MALRD1: variants seen among roughly 807,000 people sequenced by gnomAD.
The protein encoded by MALRD1 is MAM and LDL-receptor class A domain-containing protein 1.
A neutral mutation model predicts 242.1 loss-of-function variants in MALRD1; 247 were observed. The ratio of observed to expected loss-of-function variants is 1.02; its 90% CI spans 0.92 to 1.13. MALRD1 has a LOEUF of 1.13. Among genes scored for constraint, MALRD1 ranks in the 50% most tolerant of loss-of-function variants. The probability of loss-of-function intolerance (pLI) is 0.00; values close to 1 mark genes in which losing one functional copy is unlikely to be tolerated. For missense variants in MALRD1, 2,989 were observed against 2,533.1 expected, an observed-to-expected ratio of 1.18 and a Z score of -3.86; for synonymous variants, 995 against 866.6, an observed-to-expected ratio of 1.15 and a Z score of -2.60.
intron 24 of MALRD1, among the ~76,000 whole-genome samples, chr10:19,338,107 A>G (rs1843690252): frequency 6.6e-6 from 1 of 151,846 alleles, no homozygotes; most frequent in Admixed American, 6.6e-5. Context: ...TTCTTTCCAT[A>G]TACCCATAGC....
intron 29 of MALRD1, among the ~76,000 whole-genome samples, chr10:19,482,846 A>G (rs1337928094): frequency 1.3e-5 from 2 of 152,126 alleles, no homozygotes; most frequent in African/African-American, 2.4e-5. Flanking sequence ...AAGAATCAGT[A>G]TCATTAAAAT....
At chr10:19,167,654 A>T (rs1364056851) in intron 13 of MALRD1, among the ~76,000 whole-genome samples, 2 of 152,164 alleles carry the variant, frequency 1.3e-5, no homozygotes, top group Non-Finnish European at 2.9e-5. Flanking sequence ...ACTCTAGGCG[A>T]AGTCTCTTAC....
chr10:19,729,885 C>T (rs953555145), intron 38 of MALRD1, among the ~76,000 whole-genome samples: 9 of 151,080 alleles, frequency 6.0e-5, no homozygotes, highest in Admixed American at 2.0e-4. Context: ...TACAGGCGCC[C>T]GCCACCACGC....
At chr10:19,120,336 G>T (rs1837017963) in intron 5 of MALRD1, among the ~76,000 whole-genome samples, 1 of 152,094 alleles carries the variant, frequency 6.6e-6, no homozygotes, top group Non-Finnish European at 1.5e-5. Flanking sequence ...CAATATTACT[G>T]ATATGTCAAA....
At chr10:19,509,232 C>T (rs1442210023) in intron 31 of MALRD1, among the ~76,000 whole-genome samples, 2 of 152,128 alleles carry the variant, frequency 1.3e-5, no homozygotes, top group Non-Finnish European at 2.9e-5. Flanking sequence ...AAAAGTGGTT[C>T]AGAGAGCTCC....
intron 2 of MALRD1, among the ~76,000 whole-genome samples, chr10:19,075,613 A>AGGGCTGTGTGGAATTGAATTCTTC (rs1835293510): frequency 6.6e-6 from 1 of 152,070 alleles, no homozygotes; most frequent in Non-Finnish European, 1.5e-5. Flanking sequence ...TTGAATTCTT[A>AGGGCTGTGTGGAATTGAATTCTTC]GGGATGCATG....
chr10:19,292,080 CAA>C (rs756211363), intron 21 of MALRD1, among the ~76,000 whole-genome samples: 2,479 of 87,952 alleles, frequency 0.028, 28 homozygotes, highest in African/African-American at 0.087. Context: ...AAGACCGTCT[CAA>C]AAAAAAAAAA....
At chr10:19,250,810 C>T (rs1338658390) in intron 18 of MALRD1, among the ~76,000 whole-genome samples, 2 of 151,614 alleles carry the variant, frequency 1.3e-5, no homozygotes, top group Admixed American at 6.6e-5. Context: ...CCACATCCTC[C>T]GTCTCTCTGC....
In MALRD1 at chr10:19,363,756, G is replaced by T. The variant is rs1163048573; in HGVS notation, c.4441+11459G>T. Among the ~76,000 whole-genome samples, 4 of 152,126 alleles carry T rather than the reference G, an allele frequency of 2.6e-5. 1 individual carries two copies. Among genetic ancestry groups the T allele is most frequent in the East Asian group, 3.9e-4 (2 of 5,186 alleles). On this transcript the variant is annotated intron_variant, in intron 26 of 39. Transcript: ENST00000454679. Reference sequence around the variant, plus strand: ...TGAGACTAGGAGTTACAGAAGGAGGGTTAGTCCTGTGAGAAGAGCCAGAAT... The same window carrying T: ...TGAGACTAGGAGTTACAGAAGGAGGTTTAGTCCTGTGAGAAGAGCCAGAAT...
At position 19,200,645 on chromosome 10, in the gene MALRD1, GTTTTTTTTTTTTTTTT is replaced by G. The variant is rs71387053; in HGVS notation, c.1952-3072_1952-3057del. ...TTTTTTTTCTCCCTCCCTGCTTGAG[GTTTTTTTTTTTTTTTT>G]TTTTTTTTTTGGCTTCTACATAAAT... On this transcript the variant is annotated intron_variant, in intron 14 of 39. Coordinates refer to ENST00000454679, the MANE Select transcript of MALRD1 (RefSeq NM_001142308.3). 2.9e-5 allele frequency among the ~76,000 whole-genome samples: 2 copies of G among 69,450 alleles called. 1 individual carries two copies. The highest frequency in any genetic ancestry group is 3.9e-4 in the Admixed American group (2 of 5,166). The allele number at this position is 69,450 out of a possible 152,430, so 45.6% of individuals were successfully genotyped here.
chr10:19,169,346 T>C (rs2250093), intron 13 of MALRD1, among the ~76,000 whole-genome samples: 51,114 of 151,998 alleles, frequency 0.34, 9,047 homozygotes, highest in South Asian at 0.65. Flanking sequence ...ATACACAATA[T>C]ATAAAAATAG....
intron 26 of MALRD1, among the ~76,000 whole-genome samples, chr10:19,359,681 A>C (rs183009587): frequency 1.3e-5 from 2 of 152,274 alleles, no homozygotes; most frequent in Admixed American, 1.3e-4. Flanking sequence ...CAAGTGAAAA[A>C]AAAAGACATC....
At chr10:19,447,738 A>G (rs1242079393) in intron 28 of MALRD1, among the ~76,000 whole-genome samples, 1 of 75,538 alleles carries the variant, frequency 1.3e-5, no homozygotes, top group Non-Finnish European at 3.2e-5. Flanking sequence ...AGTCAGATAG[A>G]CCACCCTTTC....
intron 11 of MALRD1, among the ~76,000 whole-genome samples, chr10:19,154,446 A>G (rs1001396255): frequency 6.6e-6 from 1 of 152,158 alleles, no homozygotes; most frequent in Non-Finnish European, 1.5e-5. Context: ...CCTTCCTTGT[A>G]AGTCTTCAAT....
intron 38 of MALRD1, among the ~76,000 whole-genome samples, chr10:19,696,707 G>A (rs1833393473): frequency 6.6e-6 from 1 of 151,304 alleles, no homozygotes; most frequent in African/African-American, 2.4e-5. Flanking sequence ...AGGAGTTCAA[G>A]ACCAGCCTGG....
chr10:19,076,399 G>A (rs1835319099), intron 2 of MALRD1, among the ~76,000 whole-genome samples: 1 of 151,842 alleles, frequency 6.6e-6, no homozygotes. Flanking sequence ...CCTAATCCAA[G>A]GTCATAGACT....
chr10:19,239,865 C>T (rs1343450034), intron 18 of MALRD1, among the ~76,000 whole-genome samples: 1 of 152,008 alleles, frequency 6.6e-6, no homozygotes, highest in African/African-American at 2.4e-5. Context: ...TATGTGTTTG[C>T]TTTATGGCAG....
At chr10:19,530,996 A>T (rs1049018727) in intron 31 of MALRD1, among the ~76,000 whole-genome samples, 198 bp from the exon 32 acceptor site, 1 of 152,220 alleles carries the variant, frequency 6.6e-6, no homozygotes, top group Non-Finnish European at 1.5e-5. Context: ...GAATTTTGTG[A>T]ATCACATGAT....
At chr10:19,436,765 T>TA (rs1417414191) in intron 28 of MALRD1, among the ~76,000 whole-genome samples, 1 of 152,190 alleles carries the variant, frequency 6.6e-6, no homozygotes, top group Non-Finnish European at 1.5e-5. Context: ...TCAAAACTCC[T>TA]AAATGATCTT....
Sources: gnomAD v4.1 joint callset for allele counts (sites outside exome capture counted in the v4.1 genomes callset) on GRCh38, gnomAD v4.1.1 for gene constraint, MANE v1.5 for transcripts, NCBI Gene and HGNC (gene_info 2026-07-23, HGNC 2026-07-21) for gene names.